CBR4: variants seen among roughly 807,000 people sequenced by gnomAD.
The protein encoded by CBR4 is carbonyl reductase 4.
Under a neutral mutation model 21.0 loss-of-function variants are expected in CBR4, and 22 were observed. That is an observed-to-expected ratio of 1.05 (90% CI 0.75 to 1.50). CBR4 has a LOEUF of 1.50. CBR4 is among the 40% of genes most tolerant of loss of function. CBR4 has a pLI of 0.00. For synonymous variants in CBR4, 100 were observed against 104.4 expected (o/e 0.96, Z 0.26); for missense variants, 302 against 286.3 (o/e 1.05, Z -0.40).
At chr4:168,914,063 T>C (rs1489908556) in intron 2 of CBR4, 2 of 1,136,720 alleles carry the variant, frequency 1.8e-6, no homozygotes, top group African/African-American at 1.5e-5. Flanking sequence ...CATTATTTTA[T>C]TTATTACTAT....
chr4:168,922,147 G>T, intron 2 of CBR4, among the ~76,000 whole-genome samples: 1 of 139,524 alleles, frequency 7.2e-6, no homozygotes, highest in African/African-American at 2.7e-5. Context: ...ACACACACCT[G>T]GTTTTTAAAA....
intron 2 of CBR4, chr4:168,927,077 T>C (rs1762662741): frequency 4.5e-6 from 1 of 220,918 alleles, no homozygotes; most frequent in Non-Finnish European, 9.1e-6. Context: ...AAAAGGCTAA[T>C]TTAAATATAA....
chr4:168,995,534 C>T (rs1359966688), intron 4 of CBR4, among the ~76,000 whole-genome samples: 1 of 152,094 alleles, frequency 6.6e-6, no homozygotes, highest in Non-Finnish European at 1.5e-5. Context: ...CATGGGCTGA[C>T]ATCCTTCTTT....
At chr4:168,913,397 A>G (rs1197273539) in intron 2 of CBR4, among the ~76,000 whole-genome samples, 1 of 152,104 alleles carries the variant, frequency 6.6e-6, no homozygotes, top group African/African-American at 2.4e-5. Context: ...TCAGCCTCCC[A>G]AAGTGCTGGC....
chr4:168,985,844 G>T (rs935248600), downstream of CBR4, among the ~76,000 whole-genome samples: 1 of 152,106 alleles, frequency 6.6e-6, no homozygotes, highest in Non-Finnish European at 1.5e-5. Context: ...AGAATAAGTG[G>T]GAGCTAAACC....
chr4:169,005,818 A>C, intron 3 of CBR4: 2 of 1,141,210 alleles, frequency 1.8e-6, no homozygotes, highest in South Asian at 2.6e-5. Flanking sequence ...TCACTTTCAA[A>C]ACAGAAAAAC....
intron 2 of CBR4, among the ~76,000 whole-genome samples, chr4:168,973,790 G>T (rs986209903): frequency 2.0e-5 from 3 of 152,170 alleles, no homozygotes; most frequent in African/African-American, 7.2e-5. Flanking sequence ...TATATTTCCA[G>T]GAATGTATCT....
intron 2 of CBR4, among the ~76,000 whole-genome samples, chr4:168,917,740 G>T (rs1027073297): frequency 1.3e-5 from 2 of 151,842 alleles, no homozygotes; most frequent in East Asian, 3.9e-4. Context: ...TTATTTCTTA[G>T]GATCATTATT....
intron 4 of CBR4, among the ~76,000 whole-genome samples, chr4:168,994,589 TTTTTC>T (rs1381098937): frequency 6.6e-6 from 1 of 152,066 alleles, no homozygotes; most frequent in Non-Finnish European, 1.5e-5. Flanking sequence ...TTTTTTGCTT[TTTTTC>T]TTTTGAGACA....
chr4:168,906,704 A>T (rs1385002746), intron 2 of CBR4, among the ~76,000 whole-genome samples: 1 of 152,212 alleles, frequency 6.6e-6, no homozygotes, highest in African/African-American at 2.4e-5. Flanking sequence ...GGCTCACTGC[A>T]GCTTAGAACT....
At chr4:168,911,738 T>C (rs1560907900) in intron 2 of CBR4, among the ~76,000 whole-genome samples, 1 of 152,214 alleles carries the variant, frequency 6.6e-6, no homozygotes, top group Non-Finnish European at 1.5e-5. Context: ...CTGTATCAAG[T>C]GGCCTGTGCT....
At chr4:168,935,947 AC>A (rs1352492989) in intron 2 of CBR4, among the ~76,000 whole-genome samples, 2 of 151,662 alleles carry the variant, frequency 1.3e-5, no homozygotes, top group Non-Finnish European at 1.5e-5. Context: ...TGGGTCCCTG[AC>A]CCCCATGCCT....
chr4:168,921,705 G>C, intron 2 of CBR4: 1 of 1,611,690 alleles, frequency 6.2e-7, no homozygotes, highest in Non-Finnish European at 8.5e-7. Context: ...CAACCGAGCA[G>C]GACAGAACTC....
At chr4:169,002,633 C>T (rs1178594042) in intron 3 of CBR4, among the ~76,000 whole-genome samples, 2 of 152,104 alleles carry the variant, frequency 1.3e-5, no homozygotes, top group Non-Finnish European at 2.9e-5. Flanking sequence ...AGAAAGCTCT[C>T]GTTTTCACCC....
At chr4:168,996,376 C>T (rs1351236361) in intron 4 of CBR4, among the ~76,000 whole-genome samples, 3 of 151,988 alleles carry the variant, frequency 2.0e-5, no homozygotes, top group Non-Finnish European at 2.9e-5. Context: ...TTGAACACAA[C>T]GTTCAGATAG....
intron 2 of CBR4, chr4:168,898,725 A>T (rs1195762590): frequency 6.4e-7 from 1 of 1,571,530 alleles, no homozygotes; most frequent in Admixed American, 1.7e-5. Flanking sequence ...GTGAGCTGGG[A>T]GATGGAGGCT....
chr4:168,929,912 C>A (rs954798270), intron 2 of CBR4, among the ~76,000 whole-genome samples: 1 of 152,088 alleles, frequency 6.6e-6, no homozygotes. Context: ...TGTGTACACA[C>A]CTAACAAAAT....
chr4:168,941,666 A>G (rs1315425200), intron 2 of CBR4, among the ~76,000 whole-genome samples: 1 of 152,192 alleles, frequency 6.6e-6, no homozygotes, highest in Non-Finnish European at 1.5e-5. Context: ...TGATTGAACT[A>G]ATTTACACTC....
chr4:168,903,751 T>C, intron 2 of CBR4: 1 of 1,607,606 alleles, frequency 6.2e-7, no homozygotes, highest in Middle Eastern at 1.7e-4. Context: ...TTGTTTCTAT[T>C]CACAGATCTA....
Sources: gnomAD v4.1 joint callset for allele counts (sites outside exome capture counted in the v4.1 genomes callset) on GRCh38, gnomAD v4.1.1 for gene constraint, MANE v1.5 for transcripts, NCBI Gene and HGNC (gene_info 2026-07-23, HGNC 2026-07-21) for gene names.